Variants in ATP13A4 observed in about 807,000 individuals in gnomAD.
The protein encoded by ATP13A4 is probable cation-transporting ATPase 13A4.
Under a neutral mutation model 142.5 loss-of-function variants are expected in ATP13A4, and 114 were observed. The ratio of observed to expected loss-of-function variants is 0.80; its 90% CI spans 0.69 to 0.93. ATP13A4 has a LOEUF of 0.93. Ranked by LOEUF, ATP13A4 falls within the 40% of genes least tolerant of loss-of-function variation. ATP13A4 has a pLI of 0.00. For missense variants in ATP13A4, 1,392 were observed against 1,454.0 expected (o/e 0.96, Z 0.69); for synonymous variants, 488 against 514.8 (o/e 0.95, Z 0.70).
At chr3:193,417,937 A>G (rs1344475233) in intron 25 of ATP13A4, among the ~76,000 whole-genome samples, 1 of 146,332 alleles carries the variant, frequency 6.8e-6, no homozygotes, top group Non-Finnish European at 1.5e-5. Flanking sequence ...CCCGGCTAAA[A>G]CGGTGAAACC....
At chr3:193,509,795 G>A (rs999024441) in intron 2 of ATP13A4, among the ~76,000 whole-genome samples, 1 of 152,174 alleles carries the variant, frequency 6.6e-6, no homozygotes, top group African/African-American at 2.4e-5. Context: ...AATTTAATAA[G>A]TAGAGACAAC....
At chr3:193,562,145 G>A (rs1464707946) in intron 2 of ATP13A4, among the ~76,000 whole-genome samples, 1 of 151,994 alleles carries the variant, frequency 6.6e-6, no homozygotes, top group Admixed American at 6.6e-5. Flanking sequence ...AGCTCTCCTG[G>A]ACCCCACATA....
intron 2 of ATP13A4, among the ~76,000 whole-genome samples, chr3:193,574,881 T>C (rs1724361033): frequency 6.6e-6 from 1 of 152,148 alleles, no homozygotes; most frequent in Non-Finnish European, 1.5e-5. Flanking sequence ...TTGTAGCCAG[T>C]GGGCAGACTA....
intron 2 of ATP13A4, 118 bp downstream of exon 2, chr3:193,514,580 C>G: frequency 7.4e-7 from 1 of 1,352,534 alleles, no homozygotes. Context: ...CCTAAGGAAC[C>G]AAAGACTGGA....
intron 24 of ATP13A4, among the ~76,000 whole-genome samples, chr3:193,434,274 A>T (rs1241657615): frequency 6.6e-6 from 1 of 152,238 alleles, no homozygotes; most frequent in Non-Finnish European, 1.5e-5. Context: ...ATAAAAAAAT[A>T]CATCCCCAAG....
At chr3:193,573,276 C>CATATATATATATATATTCTTAT (rs1553862244) in intron 2 of ATP13A4, among the ~76,000 whole-genome samples, 3 of 77,834 alleles carry the variant, frequency 3.9e-5, no homozygotes, top group Admixed American at 2.3e-4. Flanking sequence ...TATATATATA[C>CATATATATATATATATTCTTAT]ATATATATAT....
intron 3 of ATP13A4, among the ~76,000 whole-genome samples, chr3:193,494,674 A>G (rs1038621666): frequency 3.3e-5 from 5 of 152,046 alleles, no homozygotes; most frequent in Non-Finnish European, 1.5e-5. Flanking sequence ...TATACAAAAA[A>G]GAATGATCTC....
intron 1 of ATP13A4, among the ~76,000 whole-genome samples, chr3:193,521,712 C>G (rs1721726896): frequency 6.6e-6 from 1 of 152,106 alleles, no homozygotes; most frequent in Admixed American, 6.5e-5. Context: ...GCGGGCAGAT[C>G]ACCTCAGGTC....
At chr3:193,580,597 T>C (rs1224905589) in intron 2 of ATP13A4, among the ~76,000 whole-genome samples, 1 of 152,156 alleles carries the variant, frequency 6.6e-6, no homozygotes, top group African/African-American at 2.4e-5. Context: ...TATATATTTT[T>C]TTATTGTACA....
intron 25 of ATP13A4, among the ~76,000 whole-genome samples, chr3:193,428,262 A>G (rs963191604): frequency 1.3e-5 from 2 of 151,022 alleles, no homozygotes; most frequent in Admixed American, 1.3e-4. Flanking sequence ...CACCAGTTAC[A>G]ATGGTGATAA....
At chr3:193,482,018 C>G (rs1719325758) in intron 8 of ATP13A4, among the ~76,000 whole-genome samples, 1 of 151,964 alleles carries the variant, frequency 6.6e-6, no homozygotes, top group Non-Finnish European at 1.5e-5. Context: ...AAGAGAAGAG[C>G]AAAACTGTAG....
At chr3:193,492,689 C>A (rs1238563117) in intron 5 of ATP13A4, among the ~76,000 whole-genome samples, 2 of 152,092 alleles carry the variant, frequency 1.3e-5, no homozygotes, top group Non-Finnish European at 2.9e-5. Context: ...CCTCAGATTT[C>A]TCATTTGTTG....
intron 25 of ATP13A4, among the ~76,000 whole-genome samples, chr3:193,416,756 C>T (rs111890621): frequency 6.6e-6 from 1 of 151,876 alleles, no homozygotes; most frequent in Non-Finnish European, 1.5e-5. Flanking sequence ...CCAACATGTA[C>T]GTTGTGGGAG....
chr3:193,408,695 C>G (rs1714624244), intron 28 of ATP13A4, among the ~76,000 whole-genome samples: 1 of 152,286 alleles, frequency 6.6e-6, no homozygotes, highest in African/African-American at 2.4e-5. Flanking sequence ...AGACTCATTC[C>G]TACGAGACGT....
intron 1 of ATP13A4, among the ~76,000 whole-genome samples, chr3:193,544,274 A>C (rs1249943406): frequency 6.6e-6 from 1 of 152,220 alleles, no homozygotes; most frequent in East Asian, 1.9e-4. Flanking sequence ...ACCATTCACT[A>C]TTCTGAAACC....
At chr3:193,591,875 C>T (rs1300161828) in intron 1 of ATP13A4, among the ~76,000 whole-genome samples, 2 of 152,198 alleles carry the variant, frequency 1.3e-5, no homozygotes, top group Non-Finnish European at 2.9e-5. Flanking sequence ...TACAAAGACA[C>T]TTTTTGTACA....
chr3:193,575,057 A>C (rs1392290163), intron 2 of ATP13A4, among the ~76,000 whole-genome samples: 1 of 152,194 alleles, frequency 6.6e-6, no homozygotes, highest in Non-Finnish European at 1.5e-5. Context: ...CACTTTGTCA[A>C]AAGTGAACTA....
intron 2 of ATP13A4, among the ~76,000 whole-genome samples, chr3:193,576,312 C>A (rs369629668): frequency 7.7e-6 from 1 of 129,486 alleles, no homozygotes; most frequent in Non-Finnish European, 1.6e-5. Context: ...TCGCCCAGGC[C>A]GGACTGCGGA....
intron 19 of ATP13A4, among the ~76,000 whole-genome samples, chr3:193,442,051 C>A (rs182209070): frequency 6.6e-6 from 1 of 152,270 alleles, no homozygotes; most frequent in East Asian, 1.9e-4. Flanking sequence ...ATACACAGAG[C>A]AGCATCTCTC....
Sources: allele counts gnomAD v4.1 joint callset (sites outside exome capture counted in the v4.1 genomes callset), GRCh38; gene constraint gnomAD v4.1.1; transcripts MANE v1.5; gene names NCBI Gene and HGNC (gene_info 2026-07-23, HGNC 2026-07-21).